The following JPH3 variants were observed in gnomAD, a reference collection of about 807,000 sequenced individuals.
JPH3 encodes the protein junctophilin 3.
In JPH3, 11 loss-of-function variants were observed where a neutral mutation model predicts 59.6. That is an observed-to-expected ratio of 0.18 (90% CI 0.12 to 0.31). JPH3 has a LOEUF of 0.31. Ranked by LOEUF, JPH3 falls within the 10% of genes least tolerant of loss-of-function variation. The probability of loss-of-function intolerance (pLI) is 1.00; values close to 1 mark genes in which losing one functional copy is unlikely to be tolerated. For synonymous variants in JPH3, 673 were observed against 483.6 expected (o/e 1.39, Z -5.14); for missense variants, 1,202 against 1,105.7 (o/e 1.09, Z -1.24).
intron 2 of JPH3, among the ~76,000 whole-genome samples, chr16:87,663,596 C>G (rs2032771407): frequency 6.6e-6 from 1 of 152,210 alleles, no homozygotes; most frequent in Non-Finnish European, 1.5e-5. Flanking sequence ...CCCAGCTGGC[C>G]TGATGCACCT....
At chr16:87,687,968 G>A (rs1182875324) in intron 3 of JPH3, among the ~76,000 whole-genome samples, 1 of 152,214 alleles carries the variant, frequency 6.6e-6, no homozygotes, top group Non-Finnish European at 1.5e-5. Context: ...TGATCCGTGG[G>A]CATGATTGGG....
chr16:87,674,072 C>T (rs1412241633), intron 2 of JPH3, among the ~76,000 whole-genome samples: 3 of 151,058 alleles, frequency 2.0e-5, no homozygotes, highest in Admixed American at 6.6e-5. Context: ...CAGTGGCTCA[C>T]GCCTGTAATC....
rs1336949551 is a variant in JPH3 at position 87,677,329 on chromosome 16, G to T, written c.1161-6813G>T. Among the ~76,000 whole-genome samples, 3 of 152,074 alleles carry T rather than the reference G, an allele frequency of 2.0e-5. No homozygotes were observed. In the East Asian group the frequency reaches 5.8e-4, roughly 29 times the overall value. ...ACCTGGGAGGCAGAGTTTGCAGTGA[G>T]CCGTGATCATGCCACTGTACTGCAG... On this transcript the variant is annotated intron_variant, in intron 2 of 4. Transcript: ENST00000284262.
chr16:87,663,566 G>C (rs1294195232), intron 2 of JPH3, among the ~76,000 whole-genome samples: 1 of 152,206 alleles, frequency 6.6e-6, no homozygotes, highest in African/African-American at 2.4e-5. Flanking sequence ...CAGAAGCACT[G>C]GGTGAACACA....
chr16:87,639,647 T>TCCTCCCTCCTGG (rs2031877315), intron 1 of JPH3, among the ~76,000 whole-genome samples: 2 of 94,560 alleles, frequency 2.1e-5, no homozygotes, highest in Admixed American at 2.4e-4. Flanking sequence ...CTCCCGCCTG[T>TCCTCCCTCCTGG]CCTCCCGCCT....
At chr16:87,692,257 A>G (rs1053837411) in intron 4 of JPH3, among the ~76,000 whole-genome samples, 1 of 151,842 alleles carries the variant, frequency 6.6e-6, no homozygotes, top group Admixed American at 6.6e-5. Flanking sequence ...GTTTTCTGCC[A>G]GGTCTGTGAG....
At chr16:87,635,952 C>T (rs1185391543) in intron 1 of JPH3, among the ~76,000 whole-genome samples, 1 of 152,242 alleles carries the variant, frequency 6.6e-6, no homozygotes, top group Non-Finnish European at 1.5e-5. Flanking sequence ...TCTGGGGTGT[C>T]TTCCGGGGCC....
chr16:87,685,325 C>T (rs1376599703), intron 3 of JPH3, among the ~76,000 whole-genome samples: 1 of 152,242 alleles, frequency 6.6e-6, no homozygotes, highest in Non-Finnish European at 1.5e-5. Context: ...GCTTCTATTC[C>T]ACTGCGTCCC....
Position 87,629,067 on chromosome 16 carries a change from T to TG in JPH3, c.383-15183dup, listed in dbSNP as rs200340748. 1.1e-3 allele frequency among the ~76,000 whole-genome samples: 168 copies of TG among 151,344 alleles called. No homozygotes were observed. The South Asian group carries it at 0.015, about 14-fold the overall frequency. On this transcript the variant is annotated intron_variant, in intron 1 of 4. Coordinates refer to ENST00000284262, the MANE Select transcript of JPH3 (RefSeq NM_020655.4). Reference sequence around the variant, plus strand: ...CTTCCAGGCTCCAGGGCTAACGCTGTGGGGGGGGCCCAGGTCTCCACCTCT... The same window carrying TG: ...CTTCCAGGCTCCAGGGCTAACGCTGTGGGGGGGGGCCCAGGTCTCCACCTCT...
chr16:87,668,372 C>G (rs1212138876), intron 2 of JPH3, among the ~76,000 whole-genome samples: 1 of 152,214 alleles, frequency 6.6e-6, no homozygotes, highest in Non-Finnish European at 1.5e-5. Context: ...TGTCCCTCAC[C>G]TCTCCGCAGA....
chr16:87,631,493 C>G (rs2031564853), intron 1 of JPH3, among the ~76,000 whole-genome samples: 1 of 152,258 alleles, frequency 6.6e-6, no homozygotes, highest in South Asian at 2.1e-4. Context: ...CATTTGTGAT[C>G]TGTTTTTATG....
chr16:87,658,414 C>T, intron 2 of JPH3, among the ~76,000 whole-genome samples: 1 of 133,574 alleles, frequency 7.5e-6, no homozygotes, highest in Non-Finnish European at 1.6e-5. Flanking sequence ...CTGTCCCTCC[C>T]TCTCTTTTCC....
intron 1 of JPH3, among the ~76,000 whole-genome samples, chr16:87,607,704 G>T (rs2030576501): frequency 6.6e-6 from 1 of 152,224 alleles, no homozygotes; most frequent in Non-Finnish European, 1.5e-5. Context: ...CTACCATGGG[G>T]CGTATGCTTT....
At chr16:87,639,773 T>A (rs2031882898) in intron 1 of JPH3, among the ~76,000 whole-genome samples, 1 of 152,216 alleles carries the variant, frequency 6.6e-6, no homozygotes, top group Non-Finnish European at 1.5e-5. Context: ...GATTTGTCCC[T>A]TCCAGCCTGG....
At chr16:87,647,627 G>A (rs1194372989) in intron 2 of JPH3, among the ~76,000 whole-genome samples, 1 of 152,200 alleles carries the variant, frequency 6.6e-6, no homozygotes, top group Non-Finnish European at 1.5e-5. Context: ...CACAACTGGG[G>A]TCTTGGATCG....
In JPH3 at chr16:87,673,146, TA is replaced by T. The variant is rs113855698; in HGVS notation, c.1161-10983del. ...GGGCGACACAGTGCGACTCTGTCAT[TA>T]AAAAAAAAAAAAGTTTAAATGTAAA... is the stretch of plus-strand genomic sequence containing the variant. On this transcript the variant is annotated intron_variant, in intron 2 of 4. Coordinates refer to ENST00000284262, the MANE Select transcript of JPH3 (RefSeq NM_020655.4). Among the ~76,000 whole-genome samples, 882 of 142,518 alleles carry T rather than the reference TA, an allele frequency of 6.2e-3. 1 individual carries two copies. Among genetic ancestry groups the T allele is most frequent in the African/African-American group, 0.012 (447 of 38,868 alleles). The allele number at this position is 142,518 out of a possible 152,430, so 93.5% of individuals were successfully genotyped here.
intron 4 of JPH3, 56 bp downstream of exon 4, chr16:87,690,582 G>T: frequency 1.4e-6 from 2 of 1,415,384 alleles, no homozygotes; most frequent in South Asian, 3.3e-5. Context: ...CCTCTCTGCT[G>T]ACCTGGTGTT....
intron 2 of JPH3, among the ~76,000 whole-genome samples, chr16:87,665,559 T>C (rs890631166): frequency 9.2e-5 from 14 of 152,222 alleles, no homozygotes; most frequent in African/African-American, 3.4e-4. Context: ...ACCTCACAGA[T>C]GCTGAGACAG....
rs778472211 is a variant in JPH3, at chr16:87,690,202, G to C, written c.1842G>C (p.Glu614Asp). 17 of 1,602,992 alleles carry C rather than the reference G, an allele frequency of 1.1e-5. No individual in the cohort carries two copies. In the African/African-American group the frequency reaches 2.0e-4, roughly 19 times the overall value. Residue 614 changes from glutamate (E) to aspartate (D), a missense_variant, in exon 4 of 5, where the codon GAG becomes GAC. By Grantham distance (45) the Glu-to-Asp change is conservative. Transcript: ENST00000284262. ...AGAAGCTGAGCAACTACCGGATGGA[G>C]ATGAAACCCTTGCTGAGGATGGAGA... Reference protein sequence around the residue: ...QEEKLSNYRMEMKPLLRMETH... With the variant: ...QEEKLSNYRMDMKPLLRMETH...
Sources: allele counts gnomAD v4.1 joint callset (sites outside exome capture counted in the v4.1 genomes callset), GRCh38; gene constraint gnomAD v4.1.1; transcripts MANE v1.5; gene names NCBI Gene and HGNC (gene_info 2026-07-23, HGNC 2026-07-21).